The following GPR31 variants were observed in gnomAD, a reference collection of about 807,000 sequenced individuals.
GPR31 encodes G protein-coupled receptor 31.
For missense variants in GPR31, 394 were observed against 400.5 expected (o/e 0.98, Z 0.14); for synonymous variants, 209 against 183.8 (o/e 1.14, Z -1.11).
rs773002663 is a variant in GPR31, at chr6:167,157,763, C to T, written c.69G>A (p.Leu23=). The T allele has an allele frequency of 6.2e-7, 1 of 1,613,432 alleles. No homozygotes were observed. The highest frequency in any genetic ancestry group is 8.5e-7 in the Non-Finnish European group (1 of 1,179,918). ...VATAVGVLLG[L]ECGLGLLGNA... ...TGCCCAGCAGACCCAGCCCACACTCCAGCCCCAGCAAGACACCCACAGCTG... is the reference window on the plus strand; with the variant it reads ...TGCCCAGCAGACCCAGCCCACACTCTAGCCCCAGCAAGACACCCACAGCTG... The change falls in exon 1 of 1, where the codon CTG becomes CTA. Residue 23 remains leucine (L), a synonymous_variant. Transcript: ENST00000366834.
In GPR31 at chr6:167,156,374, A is replaced by C. The variant is rs1268227163; in HGVS notation, c.*498T>G. The C allele has an allele frequency of 1.3e-5, 2 of 153,488 alleles. No homozygotes were observed. The highest frequency in any genetic ancestry group is 4.8e-5 in the African/African-American group (2 of 41,462). The allele number at this position is 153,488 out of a possible 1,614,324, so 9.5% of individuals were successfully genotyped here. A position where few individuals can be genotyped will look rare whatever the true frequency, so the allele number is the denominator to read the frequency against. On this transcript the variant is annotated 3_prime_UTR_variant, in exon 1 of 1. Transcript: ENST00000366834. This position sits in a 1 kb window ranked among gnomAD's most constrained non-coding sequence, Gnocchi z 4.5. ...TATATACAGCAGAGTCTCTTTTTAG[A>C]ACCAGGGCACTTTCTGATGTCGGTC...
chr6:167,157,225 C>T lies in GPR31; in HGVS notation c.607G>A (p.Ala203Thr). ...GGCTCCCGGAGTCTTTTCTGGAGAGCCCTGATGATGCCTGCATTGCAGAAC... is the reference window on the plus strand; with the variant it reads ...GGCTCCCGGAGTCTTTTCTGGAGAGTCCTGATGATGCCTGCATTGCAGAAC... ...IVFCNAGIIRALQKRLREPEK... is the reference protein window; with the variant it reads ...IVFCNAGIIRTLQKRLREPEK... The change falls in exon 1 of 1, where the codon GCT (alanine) becomes ACT (threonine). Residue 203 changes from alanine to threonine, a missense_variant. Ala to Thr is a moderately conservative substitution (Grantham distance 58). Transcript: ENST00000366834. 6.2e-7 allele frequency: 1 copy of T among 1,614,190 alleles called. No individual in the cohort carries two copies. Among genetic ancestry groups the T allele is most frequent in the Non-Finnish European group, 8.5e-7 (1 of 1,180,046 alleles).
chr6:167,157,941 G>A lies in GPR31; in HGVS notation c.-110C>T, dbSNP rs1392831506. ...CCTTTTCCTGCCACAGAGTAGACAA[G>A]ATCTACATTTGCCCAACAAGAACAG... is the stretch of plus-strand genomic sequence containing the variant. On this transcript the variant is annotated 5_prime_UTR_variant, in exon 1 of 1. Coordinates refer to ENST00000366834, the MANE Select transcript of GPR31 (RefSeq NM_005299.3). The A allele has an allele frequency of 9.2e-6, 12 of 1,309,996 alleles. No individual in the cohort carries two copies. Among genetic ancestry groups the A allele is most frequent in the East Asian group, 2.5e-5 (1 of 39,512 alleles). The allele number at this position is 1,309,996 out of a possible 1,614,324, so 81.1% of individuals were successfully genotyped here.
Position 167,157,507 on chromosome 6 carries a change from C to A in GPR31, c.325G>T (p.Ala109Ser), listed in dbSNP as rs751051235. 6.2e-7 allele frequency: 1 copy of A among 1,613,350 alleles called. No homozygotes were observed. ...ACCACACGGAGGTACCGGTCCAAAG[C>A]CACGGCGGCCAGGAAGGCCATCCCC... ...SVGMAFLAAVALDRYLRVVHP... is the reference protein window; with the variant it reads ...SVGMAFLAAVSLDRYLRVVHP... Residue 109 changes from alanine to serine, a missense_variant, in exon 1 of 1, where the codon GCT becomes TCT. Transcript: ENST00000366834.
chr6:167,157,524 GCCATCC>G lies in GPR31; in HGVS notation c.302_307del (p.Gly101_Met102del). 2 of 1,610,962 alleles carry G rather than the reference GCCATCC, an allele frequency of 1.2e-6. No individual in the cohort carries two copies. Among genetic ancestry groups the G allele is most frequent in the South Asian group, 2.2e-5 (2 of 90,920 alleles). ...GTCCAAAGCCACGGCGGCCAGGAAG[GCCATCC>G]CCACGCTGCGGCTGAGGTCCAGCAG... On this transcript the variant is annotated inframe_deletion, in exon 1 of 1. Coordinates refer to ENST00000366834, the MANE Select transcript of GPR31 (RefSeq NM_005299.3).
At position 167,157,674 on chromosome 6, in the gene GPR31, A is replaced by G. The variant is rs1562567424; in HGVS notation, c.158T>C (p.Leu53Pro). The change falls in exon 1 of 1, where the codon CTG becomes CCG. Residue 53 changes from leucine (L) to proline (P), a missense_variant. Physicochemically the swap from Leu to Pro is moderately conservative, Grantham distance 98. Coordinates refer to ENST00000366834, the MANE Select transcript of GPR31 (RefSeq NM_005299.3). Reference sequence around the variant, plus strand: ...CAGGTCAGCCAGGGCCAGGTTGAGCAGGTAGACAGCGTACGGCTTCCACAC... The same window carrying G: ...CAGGTCAGCCAGGGCCAGGTTGAGCGGGTAGACAGCGTACGGCTTCCACAC... ...VRVWKPYAVY[L>P]LNLALADLLL... is the part of the protein sequence containing the mutation. The G allele has an allele frequency of 5.0e-6, 8 of 1,613,646 alleles. No homozygotes were observed. Among genetic ancestry groups the G allele is most frequent in the Non-Finnish European group, 6.8e-6 (8 of 1,179,942 alleles).
Position 167,157,610 on chromosome 6 carries a change from G to A in GPR31, c.222C>T (p.Tyr74=). ...AACLPFLAAF[Y]LSLQAWHLGR... is the part of the protein sequence containing the mutation. ...CCAGATGCCAAGCCTGGAGGCTCAG[G>A]TAGAAGGCGGCCAGGAAAGGCAGGC... The change falls in exon 1 of 1, where the codon TAC becomes TAT. Residue 74 remains tyrosine, a synonymous_variant. Transcript: ENST00000366834. The A allele has an allele frequency of 1.2e-6, 2 of 1,613,634 alleles. No individual in the cohort carries two copies. The highest frequency in any genetic ancestry group is 2.2e-5 in the East Asian group (1 of 44,878).
rs1782058057 is a variant in GPR31 at position 167,155,892 on chromosome 6, A to G, written c.*980T>C. ...TCGTGAGACTCAGTTTTGGAATACA[A>G]TTTACAAGGAATGAGATGAAAAGAT... On this transcript the variant is annotated 3_prime_UTR_variant, in exon 1 of 1. Coordinates refer to ENST00000366834, the MANE Select transcript of GPR31 (RefSeq NM_005299.3). Among the ~76,000 whole-genome samples the G allele has an allele frequency of 6.6e-6, 1 of 152,224 alleles. No homozygotes were observed. Among genetic ancestry groups the G allele is most frequent in the African/African-American group, 2.4e-5 (1 of 41,472 alleles).
rs1782064742 is a variant in GPR31 at position 167,156,492 on chromosome 6, CAAGT to C, written c.*376_*379del. On this transcript the variant is annotated 3_prime_UTR_variant, in exon 1 of 1. Coordinates refer to ENST00000366834, the MANE Select transcript of GPR31 (RefSeq NM_005299.3). This position sits in a 1 kb window ranked among gnomAD's most constrained non-coding sequence, Gnocchi z 4.5. The stretch of plus-strand genomic sequence containing the variant: ...ATAAATGAAAATGACTTGCTGAGAC[CAAGT>C]AAGAGTTGGAAAGATGCCATCACCC... The C allele has an allele frequency of 6.0e-6, 1 of 166,194 alleles. No homozygotes were observed. Among genetic ancestry groups the C allele is most frequent in the Middle Eastern group, 2.6e-3 (1 of 388 alleles). The allele number at this position is 166,194 out of a possible 1,614,324, so 10.3% of individuals were successfully genotyped here.
chr6:167,157,511 G>C lies in GPR31; in HGVS notation c.321C>G (p.Ala107=). The change falls in exon 1 of 1, where the codon GCC becomes GCG. Residue 107 remains alanine (A), a synonymous_variant. Transcript: ENST00000366834. ...SRSVGMAFLA[A]VALDRYLRVV... is the part of the protein sequence containing the mutation. Reference sequence around the variant, plus strand: ...CACGGAGGTACCGGTCCAAAGCCACGGCGGCCAGGAAGGCCATCCCCACGC... The same window carrying C: ...CACGGAGGTACCGGTCCAAAGCCACCGCGGCCAGGAAGGCCATCCCCACGC... The C allele has an allele frequency of 6.2e-7, 1 of 1,613,140 alleles. No homozygotes were observed. The highest frequency in any genetic ancestry group is 1.1e-5 in the South Asian group (1 of 90,992).
chr6:167,155,567 G>T lies in GPR31; in HGVS notation c.*1305C>A, dbSNP rs1394877733. On this transcript the variant is annotated 3_prime_UTR_variant, in exon 1 of 1. Transcript: ENST00000366834. The stretch of plus-strand genomic sequence containing the variant: ...TTTTTGACCTCGAATTTGACAGAAA[G>T]CTTGGGACCACCCCTGTGGGATAAT... 6.6e-6 allele frequency among the ~76,000 whole-genome samples: 1 copy of T among 152,218 alleles called. No homozygotes were observed. Among genetic ancestry groups the T allele is most frequent in the East Asian group, 1.9e-4 (1 of 5,200 alleles).
rs144041703 is a variant in GPR31 at position 167,157,267 on chromosome 6, G to C, written c.565C>G (p.Pro189Ala). The change falls in exon 1 of 1, where the codon CCC becomes GCC. Residue 189 changes from proline (P) to alanine (A), a missense_variant. By Grantham distance (27) the Pro-to-Ala change is conservative (BLOSUM62 -1). Coordinates refer to ENST00000366834, the MANE Select transcript of GPR31 (RefSeq NM_005299.3). ...TTGCAGAACACGATGAGGCCAAAGGGGAGGACAAACTGAAGGCAGGAGAGT... is the reference window on the plus strand; with the variant it reads ...TTGCAGAACACGATGAGGCCAAAGGCGAGGACAAACTGAAGGCAGGAGAGT... Reference protein sequence around the residue: ...EALSCLQFVLPFGLIVFCNAG... With the variant: ...EALSCLQFVLAFGLIVFCNAG... 6.4e-5 allele frequency: 104 copies of C among 1,614,070 alleles called. No homozygotes were observed. Among genetic ancestry groups the C allele is most frequent in the Non-Finnish European group, 7.0e-5 (83 of 1,180,040 alleles).
Position 167,156,944 on chromosome 6 carries a change from G to A in GPR31, c.888C>T (p.Val296=), listed in dbSNP as rs781778814. The change falls in exon 1 of 1, where the codon GTC becomes GTT. Residue 296 remains valine, a synonymous_variant. Coordinates refer to ENST00000366834, the MANE Select transcript of GPR31 (RefSeq NM_005299.3). The surrounding 1 kb of genome is among the most constrained non-coding windows in gnomAD (Gnocchi z 4.5). ...SPTFRSSYRR[V]FHTLRGKGQA... The stretch of plus-strand genomic sequence containing the variant: ...GCCCTTTGCCTCGGAGGGTGTGGAA[G>A]ACCCTCCGATAGGAGCTCCTGAAGG... The A allele has an allele frequency of 3.1e-6, 5 of 1,613,654 alleles. No individual in the cohort carries two copies. The highest frequency in any genetic ancestry group is 4.5e-5 in the East Asian group (2 of 44,874).
rs752976088 is a variant in GPR31, at chr6:167,157,726, G to T, written c.106C>A (p.Leu36Met). Reference sequence around the variant, plus strand: ...CTGACCCGGAACAGGAAGGTCCACAGCGCCACCGCGTTGCCCAGCAGACCC... The same window carrying T: ...CTGACCCGGAACAGGAAGGTCCACATCGCCACCGCGTTGCCCAGCAGACCC... ...GLGLLGNAVA[L>M]WTFLFRVRVW... Residue 36 changes from leucine (L) to methionine (M), a missense_variant, in exon 1 of 1, where the codon CTG (leucine) becomes ATG (methionine). By Grantham distance (15) the Leu-to-Met change is conservative. Transcript: ENST00000366834. 11 of 1,613,520 alleles carry T rather than the reference G, an allele frequency of 6.8e-6. No individual in the cohort carries two copies. In the South Asian group the frequency reaches 1.2e-4, roughly 18 times the overall value.
chr6:167,157,667 G>T lies in GPR31; in HGVS notation c.165C>A (p.Asn55Lys), dbSNP rs202120499. Residue 55 changes from asparagine to lysine, a missense_variant, in exon 1 of 1, where the codon AAC (asparagine) becomes AAA (lysine). Physicochemically the swap from Asn to Lys is moderately conservative, Grantham distance 94 (BLOSUM62 0). Transcript: ENST00000366834. The stretch of plus-strand genomic sequence containing the variant: ...CCAACAGCAGGTCAGCCAGGGCCAG[G>T]TTGAGCAGGTAGACAGCGTACGGCT... Reference protein sequence around the residue: ...VWKPYAVYLLNLALADLLLAA... With the variant: ...VWKPYAVYLLKLALADLLLAA... 6.2e-7 allele frequency: 1 copy of T among 1,613,892 alleles called. No individual in the cohort carries two copies. The highest frequency in any genetic ancestry group is 2.2e-5 in the East Asian group (1 of 44,888).
rs1316773038 is a variant in GPR31, at chr6:167,157,054, C to CT, written c.777dup (p.Val260SerfsTer124). 2.5e-6 allele frequency: 4 copies of CT among 1,614,100 alleles called. No individual in the cohort carries two copies. Among genetic ancestry groups the CT allele is most frequent in the Non-Finnish European group, 3.4e-6 (4 of 1,180,044 alleles). The stretch of plus-strand genomic sequence containing the variant: ...CCCGTGACATCCGAGGTATGAGCCA[C>CT]TGCACAAAGGGCCCTGCAGCTCCCC... On this transcript the variant is annotated frameshift_variant, in exon 1 of 1. Transcript: ENST00000366834. LOFTEE classifies it low-confidence loss of function (END_TRUNC).
In GPR31 at chr6:167,157,850, T is replaced by C; in HGVS notation, c.-19A>G. On this transcript the variant is annotated 5_prime_UTR_variant, in exon 1 of 1. Coordinates refer to ENST00000366834, the MANE Select transcript of GPR31 (RefSeq NM_005299.3). Reference sequence around the variant, plus strand: ...ATGGCATCACCCGGCCGTGAGGGGCTGCAGGCACAGCTGGAGCAGGTACAG... The same window carrying C: ...ATGGCATCACCCGGCCGTGAGGGGCCGCAGGCACAGCTGGAGCAGGTACAG... 6.3e-7 allele frequency: 1 copy of C among 1,591,902 alleles called. No homozygotes were observed. The highest frequency in any genetic ancestry group is 1.1e-5 in the South Asian group (1 of 88,626).
In GPR31 at chr6:167,156,972, G is replaced by A. The variant is rs772818087; in HGVS notation, c.860C>T (p.Pro287Leu). The A allele has an allele frequency of 2.9e-5, 47 of 1,614,184 alleles. No homozygotes were observed. The Middle Eastern group carries it at 3.1e-3, about 108-fold the overall frequency. The part of the protein sequence containing the change: ...LNPVVYCFSS[P>L]TFRSSYRRVF... ...CCTCCGATAGGAGCTCCTGAAGGTG[G>A]GGCTGGAGAAGCAGTATACCACGGG... Residue 287 changes from proline (P) to leucine (L), a missense_variant, in exon 1 of 1, where the codon CCC (proline) becomes CTC (leucine). By Grantham distance (98) the Pro-to-Leu change is moderately conservative. Coordinates refer to ENST00000366834, the MANE Select transcript of GPR31 (RefSeq NM_005299.3). The surrounding 1 kb of genome is among the most constrained non-coding windows in gnomAD (Gnocchi z 4.5).
In GPR31 at chr6:167,155,967, CT is replaced by C. The variant is rs1377768763; in HGVS notation, c.*904del. Among the ~76,000 whole-genome samples the C allele has an allele frequency of 3.9e-5, 6 of 152,240 alleles. No homozygotes were observed. Among genetic ancestry groups the C allele is most frequent in the African/African-American group, 1.4e-4 (6 of 41,472 alleles). ...AGGCTGGGGCTGGACGCCTGCCCACCTTCACACTGTGGCCCATGGAGCCCTG... is the reference window on the plus strand; with the variant it reads ...AGGCTGGGGCTGGACGCCTGCCCACCTCACACTGTGGCCCATGGAGCCCTG... On this transcript the variant is annotated 3_prime_UTR_variant, in exon 1 of 1. Transcript: ENST00000366834.
Sources: gnomAD v4.1 joint callset for allele counts (sites outside exome capture counted in the v4.1 genomes callset) on GRCh38, gnomAD v4.1.1 for gene constraint, Gnocchi (gnomAD v3.1) non-coding constraint, MANE v1.5 for transcripts, NCBI Gene and HGNC (gene_info 2026-07-23, HGNC 2026-07-21) for gene names.